The following CCDC146 variants were observed in gnomAD, a reference collection of about 807,000 sequenced individuals.
CCDC146 encodes coiled-coil domain containing 146, also known as coiled-coil domain-containing protein 146.
CCDC146 carries 92 observed loss-of-function variants against 119.3 expected under a neutral mutation model. The ratio of observed to expected loss-of-function variants is 0.77; its 90% CI spans 0.65 to 0.92. CCDC146 has a LOEUF of 0.92. Among genes scored for constraint, CCDC146 ranks in the 40% least tolerant of loss-of-function variants. The pLI is 0.00. For missense variants in CCDC146, 1,000 were observed against 1,103.0 expected (o/e 0.91, Z 1.32); for synonymous variants, 372 against 371.8 (o/e 1.00, Z -0.01).
chr7:77,290,690 T>A (rs1269565589), intron 17 of CCDC146, among the ~76,000 whole-genome samples: 1 of 150,874 alleles, frequency 6.6e-6, no homozygotes, highest in Non-Finnish European at 1.5e-5. Flanking sequence ...TTTTTAGTGG[T>A]AGTCATTTTT....
chr7:77,126,584 ATG>A (rs1790692282), intron 1 of CCDC146, among the ~76,000 whole-genome samples: 1 of 151,846 alleles, frequency 6.6e-6, no homozygotes, highest in African/African-American at 2.4e-5. Flanking sequence ...GGTTGTCCCA[ATG>A]TCTGCAGCTC....
intron 1 of CCDC146, among the ~76,000 whole-genome samples, chr7:77,144,412 T>C (rs1790983536): frequency 6.6e-6 from 1 of 151,822 alleles, no homozygotes; most frequent in Admixed American, 6.6e-5. Context: ...CTTTATTTCT[T>C]TCTCCTGCCT....
chr7:77,239,626 C>A (rs1792806714), intron 3 of CCDC146, among the ~76,000 whole-genome samples: 2 of 152,116 alleles, frequency 1.3e-5, no homozygotes, highest in African/African-American at 4.8e-5. Flanking sequence ...TTGGTGAGGA[C>A]AGTTGGTGGG....
intron 2 of CCDC146, among the ~76,000 whole-genome samples, chr7:77,190,024 T>G (rs1791735431): frequency 6.6e-6 from 1 of 152,230 alleles, no homozygotes; most frequent in South Asian, 2.1e-4. Context: ...TGTAAGATTT[T>G]TATCCGTGTT....
chr7:77,274,105 G>T (rs936338398), intron 10 of CCDC146, among the ~76,000 whole-genome samples: 6 of 152,156 alleles, frequency 3.9e-5, no homozygotes, highest in African/African-American at 1.4e-4. Context: ...TTGTTTTTAT[G>T]TGTCTTCTTT....
intron 1 of CCDC146, among the ~76,000 whole-genome samples, chr7:77,131,684 C>G (rs1218152767): frequency 4.6e-5 from 7 of 152,066 alleles, no homozygotes; most frequent in Non-Finnish European, 5.9e-5. Flanking sequence ...TGCCACTGCA[C>G]TTAAGCCTGG....
chr7:77,199,820 G>A (rs1791952888), intron 2 of CCDC146: 1 of 1,600,016 alleles, frequency 6.2e-7, no homozygotes, highest in African/African-American at 1.3e-5. Context: ...ACCCCAGCAG[G>A]GAGTGCGCAG....
intron 2 of CCDC146, among the ~76,000 whole-genome samples, chr7:77,189,406 C>T (rs1402535479): frequency 6.6e-6 from 1 of 152,154 alleles, no homozygotes; most frequent in African/African-American, 2.4e-5. Context: ...TCATGCTTTC[C>T]TCATCACTTA....
chr7:77,276,625 G>A (rs1793646502), intron 11 of CCDC146, among the ~76,000 whole-genome samples: 1 of 152,214 alleles, frequency 6.6e-6, no homozygotes, highest in African/African-American at 2.4e-5. Context: ...GAAGGCTGCA[G>A]CAAGAGTGAA....
rs779393816 is a variant in CCDC146, at chr7:77,199,607, G to A, written c.156+31783G>A. 7 of 1,614,146 alleles carry A rather than the reference G, an allele frequency of 4.3e-6. No homozygotes were observed. In the South Asian group the frequency reaches 5.5e-5, roughly 13 times the overall value. ...TGCTTCGGGAGCTGAATAGTCAAGGGGGGCAGGCTTACCTGGTAGGGGCAC... is the reference window on the plus strand; with the variant it reads ...TGCTTCGGGAGCTGAATAGTCAAGGAGGGCAGGCTTACCTGGTAGGGGCAC... On this transcript the variant is annotated intron_variant, in intron 2 of 18. Coordinates refer to ENST00000285871, the MANE Select transcript of CCDC146 (RefSeq NM_020879.3).
At chr7:77,250,737 CCTTT>C (rs896163110) in intron 4 of CCDC146, among the ~76,000 whole-genome samples, 2 of 151,672 alleles carry the variant, frequency 1.3e-5, no homozygotes, top group African/African-American at 4.8e-5. Flanking sequence ...TTCTCGTGTT[CCTTT>C]CTTTCTTCTC....
rs1793871138 is a variant in CCDC146, at chr7:77,287,563, C to T, written c.2401C>T (p.Leu801Phe). 6.2e-7 allele frequency: 1 copy of T among 1,613,588 alleles called. No individual in the cohort carries two copies. The highest frequency in any genetic ancestry group is 8.5e-7 in the Non-Finnish European group (1 of 1,179,920). The change falls in exon 17 of 19, where the codon CTC (leucine) becomes TTC (phenylalanine). Residue 801 changes from leucine (L) to phenylalanine (F), a missense_variant. Leu to Phe is a conservative substitution (Grantham distance 22). Transcript: ENST00000285871. ...TCAGGGCTGCAAGCAGGACACACTG[C>T]TCTTAGCCAAGAAGGTAGGCCTGAG... Reference protein sequence around the residue: ...KTQGCKQDTLLLAKKMNGYQR... With the variant: ...KTQGCKQDTLFLAKKMNGYQR...
rs562268217 is a variant in CCDC146 at position 77,277,232 on chromosome 7, C to G, written c.1441-1520C>G. On this transcript the variant is annotated intron_variant, in intron 11 of 18. Transcript: ENST00000285871. ...GTCTTTCCTAGTTAGAAACTTCCTC[C>G]CTTTTCTCTTTAGAAATTACAGAAA... Among the ~76,000 whole-genome samples the G allele has an allele frequency of 9.2e-5, 14 of 152,250 alleles. No individual in the cohort carries two copies. The South Asian group carries it at 2.7e-3, about 29-fold the overall frequency.
chr7:77,217,559 A>T (rs1792323375), intron 2 of CCDC146, among the ~76,000 whole-genome samples: 1 of 134,112 alleles, frequency 7.5e-6, no homozygotes, highest in South Asian at 2.4e-4. Flanking sequence ...ACATATATAT[A>T]TATAGAGAGA....
chr7:77,280,678 G>C, intron 14 of CCDC146, 25 bp downstream of exon 14: 1 of 1,515,562 alleles, frequency 6.6e-7, no homozygotes, highest in Non-Finnish European at 9.1e-7. Context: ...TGAGAACAGA[G>C]CACCAGGGAT....
chr7:77,150,969 A>C (rs777140430), intron 1 of CCDC146, among the ~76,000 whole-genome samples: 39 of 152,248 alleles, frequency 2.6e-4, no homozygotes, highest in Non-Finnish European at 1.5e-4. Flanking sequence ...TAATTGTTTT[A>C]GTTTGATTTT....
chr7:77,227,253 C>A (rs1412999540), intron 2 of CCDC146, among the ~76,000 whole-genome samples: 1 of 152,186 alleles, frequency 6.6e-6, no homozygotes, highest in Non-Finnish European at 1.5e-5. Context: ...GGCCATAAAA[C>A]TAGCCAACAT....
intron 15 of CCDC146, 130 bp from the exon 16 acceptor site, chr7:77,286,668 A>G: frequency 1.2e-6 from 1 of 820,610 alleles, no homozygotes; most frequent in Non-Finnish European, 2.0e-6. Flanking sequence ...GGGTGTTAAG[A>G]AAACAGAGTT....
intron 2 of CCDC146, chr7:77,194,212 G>T (rs1791823217): frequency 6.6e-6 from 1 of 151,894 alleles, no homozygotes; most frequent in Non-Finnish European, 1.5e-5. Flanking sequence ...ACTATGTTTT[G>T]TGATAAGTCC....
Sources: allele counts gnomAD v4.1 joint callset (sites outside exome capture counted in the v4.1 genomes callset), GRCh38; gene constraint gnomAD v4.1.1; transcripts MANE v1.5; gene names NCBI Gene and HGNC (gene_info 2026-07-23, HGNC 2026-07-21).